The following DCC variants were observed in gnomAD, a reference collection of about 807,000 sequenced individuals.
DCC encodes DCC netrin 1 receptor, also known as netrin receptor DCC.
A neutral mutation model predicts 172.5 loss-of-function variants in DCC; 58 were observed. The ratio of observed to expected loss-of-function variants is 0.34; its 90% CI spans 0.27 to 0.42. The LOEUF is 0.42. Among genes scored for constraint, DCC ranks in the 10% least tolerant of loss-of-function variants. The pLI is 1.00. For missense variants in DCC, 1,740 were observed against 1,791.0 expected (o/e 0.97, Z 0.51); for synonymous variants, 709 against 644.5 (o/e 1.10, Z -1.52).
intron 25 of DCC, among the ~76,000 whole-genome samples, chr18:53,486,190 T>TA (rs1187206109): frequency 2.6e-5 from 4 of 152,286 alleles, no homozygotes; most frequent in African/African-American, 2.4e-5. Context: ...CCACTGTAAC[T>TA]AAAAAAAGTT....
In DCC at chr18:52,404,355, ATTC is replaced by A. The variant is rs375319881; in HGVS notation, c.91+63483_91+63485del. Reference sequence around the variant, plus strand: ...TGGGTTAGTACCATGGAGAACAGTCATTCTTCTTAGATGGCGAGCATCTGACAC... The same window carrying A: ...TGGGTTAGTACCATGGAGAACAGTCATTCTTAGATGGCGAGCATCTGACAC... On this transcript the variant is annotated intron_variant, in intron 1 of 28. Transcript: ENST00000442544. Among the ~76,000 whole-genome samples the A allele has an allele frequency of 1.1e-3, 173 of 152,196 alleles. 1 individual carries two copies. In the South Asian group the frequency reaches 0.018, roughly 16 times the overall value.
intron 2 of DCC, among the ~76,000 whole-genome samples, chr18:52,808,007 C>T (rs2038119588): frequency 6.6e-6 from 1 of 152,162 alleles, no homozygotes; most frequent in African/African-American, 2.4e-5. Context: ...GGCCTTGGCT[C>T]TGGGGTTGCT....
chr18:53,407,551 ATATAT>A (rs1423613187), intron 19 of DCC, among the ~76,000 whole-genome samples: 1 of 145,892 alleles, frequency 6.9e-6, no homozygotes, highest in East Asian at 2.0e-4. Context: ...ATATATATAT[ATATAT>A]TCACTATTAC....
chr18:52,439,951 G>T (rs1987924294), intron 1 of DCC, among the ~76,000 whole-genome samples: 1 of 151,982 alleles, frequency 6.6e-6, no homozygotes, highest in Non-Finnish European at 1.5e-5. Flanking sequence ...AAATAAACGG[G>T]GCATAGCTGT....
chr18:52,938,988 G>T (rs2040421977), intron 5 of DCC, among the ~76,000 whole-genome samples: 3 of 152,002 alleles, frequency 2.0e-5, no homozygotes, highest in Admixed American at 1.3e-4. Flanking sequence ...TTGTGAAGAG[G>T]TTAATCATGG....
intron 2 of DCC, among the ~76,000 whole-genome samples, chr18:52,854,346 G>A (rs1288697967): frequency 6.6e-6 from 1 of 152,076 alleles, no homozygotes; most frequent in African/African-American, 2.4e-5. Flanking sequence ...ATTATTTGAA[G>A]GTTTGGCTGG....
chr18:53,418,339 A>G (rs546664897), intron 21 of DCC, among the ~76,000 whole-genome samples: 1 of 152,268 alleles, frequency 6.6e-6, no homozygotes, highest in South Asian at 2.1e-4. Flanking sequence ...TGAGTTGATG[A>G]CCACATGCAT....
chr18:52,340,963 G>C (rs1983604890), intron 1 of DCC, 85 bp downstream of exon 1: 5 of 1,072,380 alleles, frequency 4.7e-6, no homozygotes, highest in African/African-American at 1.6e-5. Context: ...TAGTAGAATT[G>C]GGGTGGGGGA....
intron 8 of DCC, among the ~76,000 whole-genome samples, chr18:53,176,266 G>T (rs1381229997): frequency 3.9e-5 from 5 of 128,528 alleles, no homozygotes; most frequent in Admixed American, 1.7e-4. Context: ...ACATAGGCAT[G>T]GGCAAGGACT....
chr18:52,679,826 A>C (rs976397303), intron 1 of DCC, among the ~76,000 whole-genome samples: 1 of 152,088 alleles, frequency 6.6e-6, no homozygotes, highest in African/African-American at 2.4e-5. Context: ...TAATCTTTCT[A>C]GGTTATTAAA....
At chr18:53,117,167 G>A (rs2043420655) in intron 7 of DCC, among the ~76,000 whole-genome samples, 1 of 151,704 alleles carries the variant, frequency 6.6e-6, no homozygotes, top group Non-Finnish European at 1.5e-5. Flanking sequence ...ATTTGCTTAT[G>A]TGAGATCATT....
intron 2 of DCC, among the ~76,000 whole-genome samples, chr18:52,871,746 A>G (rs1441972516): frequency 6.6e-6 from 1 of 152,180 alleles, no homozygotes; most frequent in East Asian, 1.9e-4. Flanking sequence ...ACAAAACAAC[A>G]CAGAAAGACA....
chr18:53,526,869 C>CACCCCAGGCA, intron 28 of DCC, 110 bp downstream of exon 28: 1 of 1,105,570 alleles, frequency 9.0e-7, no homozygotes, highest in Non-Finnish European at 1.4e-6. Flanking sequence ...CACCCCAGGC[C>CACCCCAGGCA]ATTGTTGTTC....
chr18:52,879,412 C>CCTTTTTTTTTTTTTTTTT (rs2039447955), intron 2 of DCC, among the ~76,000 whole-genome samples: 3 of 62,356 alleles, frequency 4.8e-5, no homozygotes, highest in African/African-American at 2.1e-4. Flanking sequence ...TGTTGTTTGG[C>CCTTTTTTTTTTTTTTTTT]TTTTTTTTTT....
At chr18:52,876,294 T>A (rs1340963359) in intron 2 of DCC, among the ~76,000 whole-genome samples, 2 of 152,190 alleles carry the variant, frequency 1.3e-5, no homozygotes, top group East Asian at 3.9e-4. Context: ...TTTTCCAGAT[T>A]CCACTTTGGT....
chr18:52,356,788 A>T (rs1188453636), intron 1 of DCC, among the ~76,000 whole-genome samples: 6 of 148,930 alleles, frequency 4.0e-5, no homozygotes, highest in South Asian at 4.3e-4. Flanking sequence ...AACCTAAATC[A>T]TTTTTTTTTT....
chr18:53,063,476 A>G lies in DCC; in HGVS notation c.1140+17A>G, dbSNP rs774004506. ...CAGATAGTGGTAATTATTTTGTTTC[A>G]TATTTGTTTTATAATCCCATTCATT... On this transcript the variant is annotated intron_variant, in intron 6 of 28. Transcript: ENST00000442544. The G allele has an allele frequency of 6.4e-7, 1 of 1,573,180 alleles. No individual in the cohort carries two copies. The highest frequency in any genetic ancestry group is 8.7e-7 in the Non-Finnish European group (1 of 1,144,186).
intron 24 of DCC, among the ~76,000 whole-genome samples, chr18:53,461,201 G>C (rs1174613762): frequency 2.6e-5 from 4 of 151,922 alleles, no homozygotes; most frequent in Admixed American, 2.6e-4. Flanking sequence ...AGATGAGTAG[G>C]TTGCAAAAAT....
At chr18:53,312,613 G>A (rs2057288073) in intron 13 of DCC, among the ~76,000 whole-genome samples, 1 of 151,254 alleles carries the variant, frequency 6.6e-6, no homozygotes, top group South Asian at 2.1e-4. Context: ...GGCAGATCAG[G>A]AGGTCAGGAG....
Sources: allele counts gnomAD v4.1 joint callset (sites outside exome capture counted in the v4.1 genomes callset), GRCh38; gene constraint gnomAD v4.1.1; transcripts MANE v1.5; gene names NCBI Gene and HGNC (gene_info 2026-07-23, HGNC 2026-07-21).